Variants in STK32B observed in about 807,000 individuals in gnomAD.
STK32B encodes the protein serine/threonine-protein kinase 32B.
In STK32B, 43 loss-of-function variants were observed where a neutral mutation model predicts 52.6. The ratio of observed to expected loss-of-function variants is 0.82; its 90% confidence interval spans 0.64 to 1.05. The LOEUF is 1.05. Among genes scored for constraint, STK32B ranks in the 50% least tolerant of loss-of-function variants. The probability of loss-of-function intolerance (pLI) is 0.00; values close to 1 mark genes in which losing one functional copy is unlikely to be tolerated. For missense variants in STK32B, 621 were observed against 534.6 expected (o/e 1.16, Z -1.59); for synonymous variants, 238 against 204.3 (o/e 1.17, Z -1.41).
At chr4:5,124,266 A>G (rs751718936) in intron 1 of STK32B, among the ~76,000 whole-genome samples, 18 of 152,172 alleles carry the variant, frequency 1.2e-4, no homozygotes, top group Non-Finnish European at 1.9e-4. Flanking sequence ...CGAGTGAGCA[A>G]AAGGTTTCAC....
chr4:5,087,440 C>A (rs1712793486), intron 1 of STK32B, among the ~76,000 whole-genome samples: 3 of 151,918 alleles, frequency 2.0e-5, no homozygotes, highest in Middle Eastern at 3.8e-3. Context: ...AAAATAAATT[C>A]TTCCTTAACA....
chr4:5,148,527 A>G (rs1717099259), intron 2 of STK32B, among the ~76,000 whole-genome samples: 1 of 151,668 alleles, frequency 6.6e-6, no homozygotes, highest in Admixed American at 6.6e-5. Context: ...TTAACTTCCA[A>G]ATATTTGGTC....
At chr4:5,222,642 G>A (rs1243654089) in intron 3 of STK32B, among the ~76,000 whole-genome samples, 1 of 152,196 alleles carries the variant, frequency 6.6e-6, no homozygotes, top group Admixed American at 6.5e-5. Context: ...TGATGAACTA[G>A]AATATTTGCT....
At chr4:5,124,119 C>T (rs1715220046) in intron 1 of STK32B, among the ~76,000 whole-genome samples, 1 of 152,160 alleles carries the variant, frequency 6.6e-6, no homozygotes, top group African/African-American at 2.4e-5. Flanking sequence ...ATGTCAGCAT[C>T]CTCCCAGTTT....
chr4:5,292,256 C>T (rs1035273974), intron 3 of STK32B, among the ~76,000 whole-genome samples: 1 of 152,110 alleles, frequency 6.6e-6, no homozygotes, highest in Non-Finnish European at 1.5e-5. Flanking sequence ...TTTACAACCC[C>T]AACAACAATG....
the STK32B span, among the ~76,000 whole-genome samples, chr4:5,040,388 A>ATT: frequency 0.037 from 4,334 of 118,364 alleles, 213 homozygotes; most frequent in African/African-American, 0.082. Context: ...TGGCAGTAGA[A>ATT]TTTTTTTTTT....
At chr4:5,266,526 G>A (rs773275885) in intron 3 of STK32B, among the ~76,000 whole-genome samples, 2 of 152,154 alleles carry the variant, frequency 1.3e-5, no homozygotes, top group African/African-American at 2.4e-5. Context: ...CGTGAACTCC[G>A]GGAAAAGGTG....
At chr4:5,069,090 C>T (rs1711597830) in intron 1 of STK32B, among the ~76,000 whole-genome samples, 1 of 151,976 alleles carries the variant, frequency 6.6e-6, no homozygotes, top group South Asian at 2.1e-4. Context: ...AGTAGTGCTG[C>T]ATGGCAGTTG....
intron 3 of STK32B, among the ~76,000 whole-genome samples, chr4:5,174,841 G>A (rs1001050877): frequency 1.3e-5 from 2 of 152,174 alleles, no homozygotes; most frequent in Admixed American, 1.3e-4. Context: ...GAATTTGAAT[G>A]TTGGCCTGCC....
chr4:5,122,381 T>TTCAC (rs57737223), intron 1 of STK32B, among the ~76,000 whole-genome samples: 108,046 of 151,338 alleles, frequency 0.71, 39,098 homozygotes, highest in South Asian at 0.82. Flanking sequence ...CACTCATTCA[T>TTCAC]TCACTCACTC....
chr4:5,154,304 C>T (rs1224114158), intron 2 of STK32B, among the ~76,000 whole-genome samples: 1 of 151,766 alleles, frequency 6.6e-6, no homozygotes, highest in Non-Finnish European at 1.5e-5. Flanking sequence ...CCACCTCTCC[C>T]TCCTGGGTTC....
intron 1 of STK32B, among the ~76,000 whole-genome samples, chr4:5,065,571 G>GTC (rs1228634393): frequency 6.6e-6 from 1 of 152,164 alleles, no homozygotes; most frequent in African/African-American, 2.4e-5. Flanking sequence ...ATCTTGCAGT[G>GTC]TCTCGCCTGT....
chr4:5,027,252 CA>C, the STK32B span, among the ~76,000 whole-genome samples: 1 of 152,188 alleles, frequency 6.6e-6, no homozygotes, highest in Non-Finnish European at 1.5e-5. Context: ...ACACAAACAC[CA>C]AGGCTGGGCT....
rs1397675009 is a variant in STK32B at position 5,140,251 on chromosome 4, A to C, written c.108+291A>C. ...TCTAAGTGAGGAAAGTTGAAAAAAA[A>C]CCCATAAACATCACAAAGGCAGCTC... On this transcript the variant is annotated intron_variant, in intron 2 of 11. Transcript: ENST00000282908. 20 of 1,426,438 alleles carry C rather than the reference A, an allele frequency of 1.4e-5. 1 individual carries two copies. Among genetic ancestry groups the C allele is most frequent in the Middle Eastern group, 1.8e-4 (1 of 5,488 alleles). 88.4% of individuals were successfully genotyped at this position (1,426,438 alleles called of 1,614,324 possible). A position where few individuals can be genotyped will look rare whatever the true frequency, so the allele number is the denominator to read the frequency against.
chr4:5,495,709 A>G (rs960880654), intron 11 of STK32B, among the ~76,000 whole-genome samples: 2 of 151,514 alleles, frequency 1.3e-5, no homozygotes, highest in Non-Finnish European at 2.9e-5. Context: ...TTGTGGTTTT[A>G]TCTACTTTTG....
At chr4:5,068,239 A>G (rs1711541303) in intron 1 of STK32B, among the ~76,000 whole-genome samples, 2 of 152,130 alleles carry the variant, frequency 1.3e-5, no homozygotes, top group African/African-American at 4.8e-5. Flanking sequence ...GAGGTAGCAT[A>G]CATTGTACCC....
chr4:5,387,400 A>G (rs1219522748), intron 4 of STK32B, among the ~76,000 whole-genome samples: 2 of 152,186 alleles, frequency 1.3e-5, no homozygotes, highest in African/African-American at 2.4e-5. Context: ...ACACAAGCAC[A>G]TATACCCTGT....
At chr4:5,065,343 T>C (rs138250396) in intron 1 of STK32B, among the ~76,000 whole-genome samples, 105 of 152,200 alleles carry the variant, frequency 6.9e-4, no homozygotes, top group African/African-American at 2.4e-3. Flanking sequence ...ATAAAAGAAC[T>C]CAGAAACTTA....
chr4:5,482,739 T>G (rs1234208483), intron 11 of STK32B, among the ~76,000 whole-genome samples: 2 of 152,190 alleles, frequency 1.3e-5, no homozygotes, highest in Admixed American at 6.5e-5. Flanking sequence ...TAGATAGCTC[T>G]TATTATTTTG....
Sources: gnomAD v4.1 joint callset for allele counts (sites outside exome capture counted in the v4.1 genomes callset) on GRCh38, gnomAD v4.1.1 for gene constraint, MANE v1.5 for transcripts, NCBI Gene and HGNC (gene_info 2026-07-23, HGNC 2026-07-21) for gene names.